Variants in CYP2C18 observed in about 807,000 individuals in gnomAD.
The protein encoded by CYP2C18 is cytochrome P450 2C18.
In CYP2C18, 38 loss-of-function variants were observed where a neutral mutation model predicts 41.3. The ratio of observed to expected loss-of-function variants is 0.92; its 90% confidence interval spans 0.71 to 1.21. CYP2C18 has a LOEUF of 1.21. CYP2C18 is among the 50% of genes most tolerant of loss of function. CYP2C18 has a pLI of 0.00. For missense variants in CYP2C18, 635 were observed against 591.4 expected, an observed-to-expected ratio of 1.07 and a Z score of -0.77; for synonymous variants, 236 against 210.0, an observed-to-expected ratio of 1.12 and a Z score of -1.07.
In CYP2C18 at chr10:94,735,374, A is replaced by T. The variant is rs763789421; in HGVS notation, c.1403A>T (p.Asp468Val). Residue 468 changes from aspartate to valine, a missense_variant, in exon 9 of 9, where the codon GAC becomes GTC. By Grantham distance (152) the Asp-to-Val change is radical (BLOSUM62 -3). Coordinates refer to ENST00000285979, the MANE Select transcript of CYP2C18 (RefSeq NM_000772.3). Reference protein sequence around the residue: ...LKSQVDPKDIDITPIANAFGR... With the variant: ...LKSQVDPKDIVITPIANAFGR... Reference sequence around the variant, plus strand: ...TCTCAGGTTGACCCAAAGGATATTGACATCACCCCCATTGCCAATGCATTT... The same window carrying T: ...TCTCAGGTTGACCCAAAGGATATTGTCATCACCCCCATTGCCAATGCATTT... The T allele has an allele frequency of 1.9e-6, 3 of 1,613,752 alleles. No individual in the cohort carries two copies. The Admixed American group carries it at 5.0e-5, about 27-fold the overall frequency.
intron 7 of CYP2C18, among the ~76,000 whole-genome samples, chr10:94,725,394 G>T (rs1847722711): frequency 6.6e-6 from 1 of 151,748 alleles, no homozygotes; most frequent in Non-Finnish European, 1.5e-5. Flanking sequence ...TAATTTCTAT[G>T]TATTCTGTGT....
intron 6 of CYP2C18, among the ~76,000 whole-genome samples, chr10:94,722,147 T>A (rs1241670322): frequency 6.6e-6 from 1 of 152,150 alleles, no homozygotes; most frequent in Non-Finnish European, 1.5e-5. Flanking sequence ...CTGTATAGTC[T>A]GGGAAGTATT....
rs184719755 is a variant in CYP2C18, at chr10:94,699,342, C to T, written c.642+4265C>T. Reference sequence around the variant, plus strand: ...GGTTCAACATACACAAATCAATAAACGTAATCCAGCATATAAATAGAACCA... The same window carrying T: ...GGTTCAACATACACAAATCAATAAATGTAATCCAGCATATAAATAGAACCA... On this transcript the variant is annotated intron_variant, in intron 4 of 8. Transcript: ENST00000285979. Among the ~76,000 whole-genome samples the T allele has an allele frequency of 2.0e-3, 306 of 152,274 alleles. 2 individuals carry two copies. The highest frequency in any genetic ancestry group is 7.7e-4 in the African/African-American group (32 of 41,566).
At chr10:94,711,121 G>C (rs1554843493) in intron 5 of CYP2C18, among the ~76,000 whole-genome samples, 1 of 152,076 alleles carries the variant, frequency 6.6e-6, no homozygotes, top group Non-Finnish European at 1.5e-5. Flanking sequence ...CTTGTCCTAA[G>C]CATCTCCATT....
chr10:94,735,450 G>A lies in CYP2C18; in HGVS notation c.*6G>A, dbSNP rs184489530. 127 of 1,613,074 alleles carry A rather than the reference G, an allele frequency of 7.9e-5. No individual in the cohort carries two copies. The Admixed American group carries it at 2.0e-3, about 26-fold the overall frequency. ...TCTGCTTCATTCCTGTCTGAAGAAG[G>A]GCAGATAGTTTGGCTGCTCCTGTGC... On this transcript the variant is annotated 3_prime_UTR_variant, in exon 9 of 9. Transcript: ENST00000285979.
At chr10:94,704,181 C>G (rs1387483810) in intron 4 of CYP2C18, among the ~76,000 whole-genome samples, 1 of 152,182 alleles carries the variant, frequency 6.6e-6, no homozygotes, top group Non-Finnish European at 1.5e-5. Flanking sequence ...ATTTGGCCAT[C>G]TTGCCCCAAT....
chr10:94,709,863 C>A (rs1330746625), intron 5 of CYP2C18, among the ~76,000 whole-genome samples: 1 of 152,142 alleles, frequency 6.6e-6, no homozygotes, highest in Non-Finnish European at 1.5e-5. Context: ...TATTCATTCC[C>A]CATTGAGTGA....
At chr10:94,719,240 A>G (rs1361878844) in intron 5 of CYP2C18, among the ~76,000 whole-genome samples, 2 of 151,560 alleles carry the variant, frequency 1.3e-5, no homozygotes, top group East Asian at 3.9e-4. Context: ...TATATATACA[A>G]ATAAGAAAAA....
At chr10:94,691,644 G>A (rs1847001957) in intron 3 of CYP2C18, among the ~76,000 whole-genome samples, 1 of 152,138 alleles carries the variant, frequency 6.6e-6, no homozygotes. Flanking sequence ...AGCTAACAAT[G>A]ACTTTCTTCA....
intron 1 of CYP2C18, among the ~76,000 whole-genome samples, chr10:94,684,866 G>T (rs1304278955): frequency 6.6e-5 from 10 of 151,552 alleles, no homozygotes; most frequent in African/African-American, 2.4e-4. Flanking sequence ...TTATCTTTTT[G>T]ATAATAATAA....
intron 6 of CYP2C18, among the ~76,000 whole-genome samples, chr10:94,723,360 G>A (rs74152340): frequency 0.012 from 1,845 of 152,194 alleles, 53 homozygotes; most frequent in African/African-American, 0.042. Flanking sequence ...GGACCAGGTG[G>A]ATCATGGAGG....
intron 8 of CYP2C18, among the ~76,000 whole-genome samples, chr10:94,734,504 G>A (rs1178990422): frequency 1.3e-5 from 2 of 152,294 alleles, no homozygotes; most frequent in East Asian, 3.9e-4. Context: ...CCTAGAGAGG[G>A]TGAGTTTCTA....
rs548575183 is a variant in CYP2C18 at position 94,688,272 on chromosome 10, A to G, written c.479A>G (p.Asn160Ser). Residue 160 changes from asparagine (N) to serine (S), a missense_variant and splice_region_variant, in exon 3 of 9, where the codon AAT (asparagine) becomes AGT (serine). Physicochemically the swap from Asn to Ser is conservative, Grantham distance 46. Transcript: ENST00000285979. ...RCLVEELRKT[N>S]ASPCDPTFIL... ...CTTGTGGAGGAGTTGAGAAAAACCA[A>G]TGGTGGGTGACTTTTTTTTTTCCTG... 1.0e-5 allele frequency: 16 copies of G among 1,600,472 alleles called. No individual in the cohort carries two copies. Among genetic ancestry groups the G allele is most frequent in the East Asian group, 2.2e-5 (1 of 44,678 alleles).
intron 8 of CYP2C18, among the ~76,000 whole-genome samples, chr10:94,734,062 G>T (rs1847878724): frequency 6.6e-6 from 1 of 152,102 alleles, no homozygotes; most frequent in South Asian, 2.1e-4. Context: ...ATTGCAGCAG[G>T]AAACAGGACA....
chr10:94,731,905 G>C (rs928393203), intron 7 of CYP2C18, among the ~76,000 whole-genome samples: 1 of 152,006 alleles, frequency 6.6e-6, no homozygotes, highest in Admixed American at 6.6e-5. Flanking sequence ...CATTGGCCTT[G>C]GGAAAGAATT....
chr10:94,688,072 C>G, intron 2 of CYP2C18, 53 bp from the exon 3 acceptor site: 1 of 1,612,038 alleles, frequency 6.2e-7, no homozygotes, highest in Non-Finnish European at 8.5e-7. Context: ...AGTGTCAGCT[C>G]TCTTGTCCTT....
chr10:94,696,670 T>A (rs1847123171), intron 4 of CYP2C18, among the ~76,000 whole-genome samples: 1 of 151,764 alleles, frequency 6.6e-6, no homozygotes, highest in Non-Finnish European at 1.5e-5. Flanking sequence ...CTTCAGACGA[T>A]CAAACTACTC....
At chr10:94,705,520 A>G (rs1419773583) in intron 4 of CYP2C18, among the ~76,000 whole-genome samples, 1 of 152,222 alleles carries the variant, frequency 6.6e-6, no homozygotes, top group African/African-American at 2.4e-5. Context: ...CTTAAAATAA[A>G]AATAAAAACC....
At chr10:94,724,076 T>C (rs761704685) in intron 6 of CYP2C18, among the ~76,000 whole-genome samples, 1 of 151,974 alleles carries the variant, frequency 6.6e-6, no homozygotes, top group Non-Finnish European at 1.5e-5. Context: ...TAAATATTTA[T>C]ATTTTGAAGT....
Sources: allele counts gnomAD v4.1 joint callset (sites outside exome capture counted in the v4.1 genomes callset), GRCh38; gene constraint gnomAD v4.1.1; transcripts MANE v1.5; gene names NCBI Gene and HGNC (gene_info 2026-07-23, HGNC 2026-07-21).